ZNF804A: variants seen among roughly 807,000 people sequenced by gnomAD.
ZNF804A encodes zinc finger protein 804A.
ZNF804A carries 2 observed loss-of-function variants against 16.5 expected under a neutral mutation model. That is an observed-to-expected ratio of 0.12 (90% CI 0.05 to 0.38). The LOEUF (loss-of-function observed/expected upper bound fraction) is 0.38. Ranked by LOEUF, ZNF804A falls within the 10% of genes least tolerant of loss-of-function variation. The probability of loss-of-function intolerance (pLI) is 0.99; values close to 1 mark genes in which losing one functional copy is unlikely to be tolerated. For missense variants in ZNF804A, 1,473 were observed against 1,390.7 expected, an observed-to-expected ratio of 1.06 and a Z score of -0.94; for synonymous variants, 534 against 489.6, an observed-to-expected ratio of 1.09 and a Z score of -1.20.
At chr2:184,810,181 C>G (rs1405886108) in intron 1 of ZNF804A, among the ~76,000 whole-genome samples, 1 of 152,114 alleles carries the variant, frequency 6.6e-6, no homozygotes, top group Non-Finnish European at 1.5e-5. Context: ...TTTTCTGACA[C>G]TAGGAGAGTT....
intron 1 of ZNF804A, among the ~76,000 whole-genome samples, chr2:184,603,417 T>C (rs1691081714): frequency 6.6e-6 from 1 of 152,236 alleles, no homozygotes; most frequent in African/African-American, 2.4e-5. Flanking sequence ...CTTGTGTATA[T>C]AGGAACACAC....
chr2:184,640,059 A>C (rs1393760021), intron 1 of ZNF804A, among the ~76,000 whole-genome samples: 1 of 152,026 alleles, frequency 6.6e-6, no homozygotes, highest in Non-Finnish European at 1.5e-5. Context: ...GATCAAGGTA[A>C]CTCAGTACAC....
chr2:184,838,725 A>G (rs1695391948), intron 1 of ZNF804A, among the ~76,000 whole-genome samples: 1 of 152,112 alleles, frequency 6.6e-6, no homozygotes. Flanking sequence ...CCATAACAGA[A>G]GCTATGTATA....
intron 1 of ZNF804A, among the ~76,000 whole-genome samples, chr2:184,743,871 C>T (rs1400758471): frequency 6.6e-6 from 1 of 151,824 alleles, no homozygotes. Context: ...GCATTCAAAA[C>T]AGACATGAAG....
At chr2:184,645,088 T>A (rs992177174) in intron 1 of ZNF804A, among the ~76,000 whole-genome samples, 3 of 152,224 alleles carry the variant, frequency 2.0e-5, no homozygotes, top group African/African-American at 7.2e-5. Flanking sequence ...GATCAGCCTC[T>A]AAAATCCTAT....
At chr2:184,934,286 T>C (rs1658896202) in intron 3 of ZNF804A, among the ~76,000 whole-genome samples, 1 of 152,162 alleles carries the variant, frequency 6.6e-6, no homozygotes, top group Non-Finnish European at 1.5e-5. Context: ...AGTGAGCAGC[T>C]ATTAGGTGTG....
At position 184,763,599 on chromosome 2, in the gene ZNF804A, C is replaced by G. The variant is rs1487485011; in HGVS notation, c.112-102770C>G. ...GGTATTAAGGTGCCCATCTACCACT[C>G]TCTATTGCTTTACTTTTTTTCTTCA... On this transcript the variant is annotated intron_variant, in intron 1 of 3. Coordinates refer to ENST00000302277, the MANE Select transcript of ZNF804A (RefSeq NM_194250.2). 2.2e-5 allele frequency among the ~76,000 whole-genome samples: 3 copies of G among 134,422 alleles called. No homozygotes were observed. The Admixed American group carries it at 2.3e-4, about 10-fold the overall frequency. 88.2% of individuals were successfully genotyped at this position (134,422 alleles called of 152,430 possible).
chr2:184,830,110 CCA>C (rs151005970), intron 1 of ZNF804A, among the ~76,000 whole-genome samples: 31,519 of 141,214 alleles, frequency 0.22, 4,353 homozygotes, highest in African/African-American at 0.41. Flanking sequence ...ACACACCCAC[CCA>C]CACACACACA....
chr2:184,662,793 G>A (rs2105707328), intron 1 of ZNF804A, among the ~76,000 whole-genome samples: 1 of 152,288 alleles, frequency 6.6e-6, no homozygotes, highest in African/African-American at 2.4e-5. Flanking sequence ...ATGATATAAA[G>A]TGATGTTGAA....
Position 184,885,237 on chromosome 2 carries a change from C to T in ZNF804A, c.255+18725C>T, listed in dbSNP as rs972539346. 5.3e-5 allele frequency among the ~76,000 whole-genome samples: 8 copies of T among 152,084 alleles called. No homozygotes were observed. The East Asian group carries it at 5.8e-4, about 11-fold the overall frequency. The stretch of plus-strand genomic sequence containing the variant: ...AAAAAGGGAACACTTATACACTGCT[C>T]GTATGAAGGTAAACTAGTTCAACCA... On this transcript the variant is annotated intron_variant, in intron 2 of 3. Coordinates refer to ENST00000302277, the MANE Select transcript of ZNF804A (RefSeq NM_194250.2).
At chr2:184,908,005 C>G (rs529644578) in intron 2 of ZNF804A, among the ~76,000 whole-genome samples, 1 of 151,914 alleles carries the variant, frequency 6.6e-6, no homozygotes, top group African/African-American at 2.4e-5. Context: ...TGATACTGCC[C>G]GGTTGTGATA....
At chr2:184,675,753 T>C (rs1331232331) in intron 1 of ZNF804A, among the ~76,000 whole-genome samples, 1 of 151,744 alleles carries the variant, frequency 6.6e-6, no homozygotes, top group Non-Finnish European at 1.5e-5. Context: ...CAAAATCAGA[T>C]CTCCAACATA....
chr2:184,913,791 A>G (rs1685405800), intron 2 of ZNF804A, among the ~76,000 whole-genome samples: 1 of 152,156 alleles, frequency 6.6e-6, no homozygotes, highest in Admixed American at 6.6e-5. Flanking sequence ...ACTCAATAAT[A>G]GTTTCTAAAC....
At chr2:184,914,713 A>G (rs1685418427) in intron 2 of ZNF804A, among the ~76,000 whole-genome samples, 1 of 152,070 alleles carries the variant, frequency 6.6e-6, no homozygotes, top group African/African-American at 2.4e-5. Flanking sequence ...TATACATAAC[A>G]TTTTTGAAAA....
intron 1 of ZNF804A, among the ~76,000 whole-genome samples, chr2:184,832,003 G>A (rs1315825834): frequency 1.3e-5 from 2 of 151,936 alleles, no homozygotes; most frequent in East Asian, 3.9e-4. Flanking sequence ...GAGATTCAAG[G>A]ATAAATAATT....
chr2:184,828,868 ATTC>A (rs940880872), intron 1 of ZNF804A, among the ~76,000 whole-genome samples: 13 of 151,994 alleles, frequency 8.6e-5, no homozygotes, highest in African/African-American at 3.1e-4. Context: ...CACTAAAACT[ATTC>A]TTCTTAAAGG....
chr2:184,797,196 C>T (rs1438563458), intron 1 of ZNF804A, among the ~76,000 whole-genome samples: 7 of 152,014 alleles, frequency 4.6e-5, no homozygotes, highest in Admixed American at 3.3e-4. Flanking sequence ...TTTTTGTCTT[C>T]ATGACCTGCC....
chr2:184,624,136 A>G (rs1013238395), intron 1 of ZNF804A, among the ~76,000 whole-genome samples: 31 of 152,298 alleles, frequency 2.0e-4, no homozygotes, highest in African/African-American at 6.7e-4. Context: ...AGTAGATTAA[A>G]GGAGTGTTGG....
chr2:184,842,282 C>T (rs1433811726), intron 1 of ZNF804A, among the ~76,000 whole-genome samples: 1 of 152,082 alleles, frequency 6.6e-6, no homozygotes, highest in Non-Finnish European at 1.5e-5. Flanking sequence ...AGCCTGCTGG[C>T]GCTGATGAGA....
Sources: allele counts gnomAD v4.1 joint callset (sites outside exome capture counted in the v4.1 genomes callset), GRCh38; gene constraint gnomAD v4.1.1; transcripts MANE v1.5; gene names NCBI Gene and HGNC (gene_info 2026-07-23, HGNC 2026-07-21).